Variants in DNAH11 observed in about 807,000 individuals in gnomAD.
DNAH11 encodes axonemal beta dynein heavy chain 11.
Under a neutral mutation model 526.0 loss-of-function variants are expected in DNAH11, and 442 were observed. That is an observed-to-expected ratio of 0.84 (90% CI 0.78 to 0.91). The LOEUF is 0.91. Ranked by LOEUF, DNAH11 falls within the 40% of genes least tolerant of loss-of-function variation. DNAH11 has a pLI of 0.00. For synonymous variants in DNAH11, 2,461 were observed against 1,935.9 expected (o/e 1.27, Z -7.12); for missense variants, 6,989 against 5,448.7 (o/e 1.28, Z -8.90).
intron 55 of DNAH11, among the ~76,000 whole-genome samples, chr7:21,773,325 A>G (rs1263614432): frequency 6.9e-6 from 1 of 145,920 alleles, no homozygotes; most frequent in Non-Finnish European, 1.5e-5. Flanking sequence ...TAAAACTGTG[A>G]GTTTCTAAGT....
intron 34 of DNAH11, among the ~76,000 whole-genome samples, chr7:21,690,035 G>A (rs1476041707): frequency 1.3e-5 from 2 of 152,168 alleles, no homozygotes; most frequent in Non-Finnish European, 2.9e-5. Context: ...TTAAGTGACA[G>A]TAATAGCATT....
intron 55 of DNAH11, 39 bp downstream of exon 55, chr7:21,765,628 A>G (rs919371735): frequency 1.0e-5 from 10 of 988,264 alleles, no homozygotes; most frequent in Middle Eastern, 3.3e-4. Context: ...ACACACACAC[A>G]CACACACACA....
intron 28 of DNAH11, among the ~76,000 whole-genome samples, chr7:21,642,104 A>G (rs1787157341): frequency 6.6e-6 from 1 of 152,184 alleles, no homozygotes. Flanking sequence ...GTGGTTACAT[A>G]TATTTTTGAT....
chr7:21,900,872 A>G lies in DNAH11; in HGVS notation c.13304-135A>G, dbSNP rs975421804. On this transcript the variant is annotated intron_variant, in intron 81 of 81. Transcript: ENST00000409508. ...TTTCAAAGCTCAGTCCGGCCAGCTCAGTAAAAATACCACTGACAAGCAAAA... is the reference window on the plus strand; with the variant it reads ...TTTCAAAGCTCAGTCCGGCCAGCTCGGTAAAAATACCACTGACAAGCAAAA... 3.5e-6 allele frequency: 5 copies of G among 1,414,128 alleles called. No individual in the cohort carries two copies. In the African/African-American group the frequency reaches 5.7e-5, roughly 16 times the overall value. The allele number at this position is 1,414,128 out of a possible 1,614,324, so 87.6% of individuals were successfully genotyped here.
At chr7:21,807,609 TA>T (rs1789324033) in intron 62 of DNAH11, among the ~76,000 whole-genome samples, 1 of 152,130 alleles carries the variant, frequency 6.6e-6, no homozygotes, top group Admixed American at 6.5e-5. Context: ...ACCTCAATCA[TA>T]ATGGAAGAGT....
At chr7:21,664,420 C>A (rs1023231514) in intron 30 of DNAH11, among the ~76,000 whole-genome samples, 16 of 151,826 alleles carry the variant, frequency 1.1e-4, no homozygotes, top group African/African-American at 3.6e-4. Flanking sequence ...CCCGCCCCCG[C>A]AATTCTTTCA....
chr7:21,571,204 T>C (rs1348208188), intron 7 of DNAH11, among the ~76,000 whole-genome samples: 1 of 152,094 alleles, frequency 6.6e-6, no homozygotes, highest in Admixed American at 6.6e-5. Context: ...CTGACTTACG[T>C]TTAGGAAGAT....
At chr7:21,672,727 T>C (rs921021048) in intron 30 of DNAH11, among the ~76,000 whole-genome samples, 3 of 152,218 alleles carry the variant, frequency 2.0e-5, no homozygotes, top group Non-Finnish European at 2.9e-5. Context: ...TTTTTTTTCT[T>C]TGTTGCCTTA....
chr7:21,711,040 T>C (rs937635120), intron 41 of DNAH11, among the ~76,000 whole-genome samples: 2 of 152,194 alleles, frequency 1.3e-5, no homozygotes, highest in South Asian at 2.1e-4. Context: ...ACTTAGACAA[T>C]GAAAGAACGG....
chr7:21,877,080 A>G (rs116616535), intron 74 of DNAH11, among the ~76,000 whole-genome samples: 1 of 152,170 alleles, frequency 6.6e-6, no homozygotes, highest in Non-Finnish European at 1.5e-5. Flanking sequence ...GATGAATGCT[A>G]TCTCTCTTGT....
intron 63 of DNAH11, among the ~76,000 whole-genome samples, chr7:21,815,334 A>G (rs1247871408): frequency 6.6e-6 from 1 of 152,222 alleles, no homozygotes; most frequent in Non-Finnish European, 1.5e-5. Context: ...TAAGGGAACT[A>G]TGTATCAAGT....
At chr7:21,562,503 G>C (rs1310451305) in intron 5 of DNAH11, among the ~76,000 whole-genome samples, 4 of 152,022 alleles carry the variant, frequency 2.6e-5, no homozygotes, top group Admixed American at 6.6e-5. Flanking sequence ...TACAGATTCT[G>C]CAGGAATGAA....
chr7:21,666,542 TCAA>T (rs975243880), intron 30 of DNAH11, among the ~76,000 whole-genome samples: 1 of 152,046 alleles, frequency 6.6e-6, no homozygotes, highest in African/African-American at 2.4e-5. Context: ...CCTCTCCCTC[TCAA>T]CAAAGACTCA....
At chr7:21,813,759 A>C (rs1404004691) in intron 63 of DNAH11, among the ~76,000 whole-genome samples, 1 of 152,098 alleles carries the variant, frequency 6.6e-6, no homozygotes, top group African/African-American at 2.4e-5. Context: ...TGTTGACACT[A>C]CTTAATAGAG....
At chr7:21,628,720 T>G (rs963172544) in intron 25 of DNAH11, among the ~76,000 whole-genome samples, 3 of 152,134 alleles carry the variant, frequency 2.0e-5, no homozygotes, top group African/African-American at 7.2e-5. Flanking sequence ...GTGGCATCTA[T>G]GTTTATCAGT....
intron 32 of DNAH11, among the ~76,000 whole-genome samples, chr7:21,684,351 C>T (rs181637099): frequency 2.0e-4 from 30 of 152,294 alleles, no homozygotes; most frequent in Non-Finnish European, 3.4e-4. Context: ...AATGATTCAA[C>T]AAATACTTCT....
At chr7:21,846,115 G>T (rs1393409542) in intron 66 of DNAH11, among the ~76,000 whole-genome samples, 1 of 152,126 alleles carries the variant, frequency 6.6e-6, no homozygotes, top group Admixed American at 6.5e-5. Context: ...CTTATTAGTT[G>T]CAAGAGGCCT....
intron 30 of DNAH11, among the ~76,000 whole-genome samples, chr7:21,664,158 T>A (rs145837757): frequency 2.1e-4 from 31 of 151,080 alleles, no homozygotes; most frequent in Non-Finnish European, 3.2e-4. Flanking sequence ...TTGGCTTTTT[T>A]AAAAATTTTA....
At chr7:21,641,920 G>A (rs537161654) in intron 28 of DNAH11, among the ~76,000 whole-genome samples, 1 of 152,256 alleles carries the variant, frequency 6.6e-6, no homozygotes, top group South Asian at 2.1e-4. Context: ...TTGAAATTAT[G>A]ATGAAGCTGA....
Sources: allele counts gnomAD v4.1 joint callset (sites outside exome capture counted in the v4.1 genomes callset), GRCh38; gene constraint gnomAD v4.1.1; transcripts MANE v1.5; gene names NCBI Gene and HGNC (gene_info 2026-07-23, HGNC 2026-07-21).